The following NETO1 variants were observed in gnomAD, a reference collection of about 807,000 sequenced individuals.
NETO1 encodes the protein neuropilin and tolloid-like protein 1.
In NETO1, 26 loss-of-function variants were observed where a neutral mutation model predicts 61.3. The observed-to-expected ratio is 0.42, with a 90% CI of 0.31 to 0.59. The LOEUF is 0.59. Among genes scored for constraint, NETO1 ranks in the 20% least tolerant of loss-of-function variants. NETO1 has a pLI of 0.12. For synonymous variants in NETO1, 225 were observed against 225.8 expected, an observed-to-expected ratio of 1.00 and a Z score of 0.03; for missense variants, 531 against 662.8, an observed-to-expected ratio of 0.80 and a Z score of 2.18.
At chr18:72,827,914 T>C (rs1041039428) in intron 4 of NETO1, among the ~76,000 whole-genome samples, 3 of 152,168 alleles carry the variant, frequency 2.0e-5, no homozygotes, top group African/African-American at 7.2e-5. Context: ...ACTTGTGAGC[T>C]ATGTTGAAGT....
At chr18:72,768,663 A>T (rs7242063) in intron 7 of NETO1, among the ~76,000 whole-genome samples, 64,702 of 152,056 alleles carry the variant, frequency 0.43, 14,744 homozygotes, top group African/African-American at 0.58. Flanking sequence ...CTGAAGGCAC[A>T]GAGGTGATGT....
chr18:72,857,357 C>A (rs2074438346), intron 4 of NETO1, among the ~76,000 whole-genome samples: 1 of 152,144 alleles, frequency 6.6e-6, no homozygotes, highest in Non-Finnish European at 1.5e-5. Context: ...TTTTTTAAAA[C>A]CTAGAAGAAC....
intron 7 of NETO1, among the ~76,000 whole-genome samples, chr18:72,778,690 T>C (rs1440706899): frequency 6.6e-6 from 1 of 152,182 alleles, no homozygotes; most frequent in Non-Finnish European, 1.5e-5. Flanking sequence ...TATTTATATT[T>C]CTATAAGCAT....
chr18:72,813,557 C>A (rs1386219193), intron 4 of NETO1, among the ~76,000 whole-genome samples: 1 of 152,066 alleles, frequency 6.6e-6, no homozygotes, highest in Non-Finnish European at 1.5e-5. Flanking sequence ...ACATTACAAA[C>A]CAGACTGAAA....
chr18:72,852,447 C>T (rs1777470783), intron 4 of NETO1, among the ~76,000 whole-genome samples: 5 of 152,324 alleles, frequency 3.3e-5, no homozygotes, highest in African/African-American at 1.2e-4. Context: ...CATCTCCTGA[C>T]CTCGTGATCC....
intron 8 of NETO1, among the ~76,000 whole-genome samples, chr18:72,753,680 A>G (rs1417446573): frequency 6.6e-6 from 1 of 152,214 alleles, no homozygotes; most frequent in Non-Finnish European, 1.5e-5. Context: ...AGGACAGTAG[A>G]GTGGCATCTT....
chr18:72,790,044 T>C (rs1363667254), intron 6 of NETO1, among the ~76,000 whole-genome samples: 1 of 152,170 alleles, frequency 6.6e-6, no homozygotes, highest in African/African-American at 2.4e-5. Flanking sequence ...TATTTTTTAT[T>C]TTAATTTGAC....
intron 4 of NETO1, 124 bp downstream of exon 4, chr18:72,858,702 T>G: frequency 2.0e-6 from 2 of 987,700 alleles, no homozygotes; most frequent in Non-Finnish European, 2.9e-6. Flanking sequence ...CACTGTAGAT[T>G]TGGTTTTAAA....
chr18:72,798,619 C>T lies in NETO1; in HGVS notation c.470-4215G>A, dbSNP rs573060995. Among the ~76,000 whole-genome samples the T allele has an allele frequency of 5.3e-5, 8 of 152,224 alleles. No homozygotes were observed. The East Asian group carries it at 5.8e-4, about 11-fold the overall frequency. ...ACACACCCATTATTTTATTTACTTC[C>T]ATCAATGCGTCTTTCCCACACTGCA... On this transcript the variant is annotated intron_variant, in intron 4 of 10. Transcript: ENST00000327305.
chr18:72,848,488 T>C (rs148083776), intron 4 of NETO1, among the ~76,000 whole-genome samples: 53 of 152,140 alleles, frequency 3.5e-4, no homozygotes, highest in Non-Finnish European at 6.8e-4. Flanking sequence ...AGAAATATGT[T>C]ACCGGCTCCA....
intron 8 of NETO1, among the ~76,000 whole-genome samples, chr18:72,752,506 T>C (rs1416613253): frequency 6.6e-6 from 1 of 152,170 alleles, no homozygotes; most frequent in Non-Finnish European, 1.5e-5. Context: ...AGTCTACATT[T>C]AGAAACAAAC....
intron 4 of NETO1, among the ~76,000 whole-genome samples, chr18:72,831,908 C>CAG (rs2073593369): frequency 6.6e-6 from 1 of 152,114 alleles, no homozygotes; most frequent in African/African-American, 2.4e-5. Context: ...GGTAACTCTT[C>CAG]TAAGTGCTTC....
intron 7 of NETO1, among the ~76,000 whole-genome samples, chr18:72,758,784 C>T (rs1388512629): frequency 3.3e-5 from 5 of 151,964 alleles, no homozygotes; most frequent in Non-Finnish European, 5.9e-5. Context: ...TGCAGTGAGC[C>T]GAGATTGCGC....
chr18:72,777,556 C>T (rs562811192), intron 7 of NETO1, among the ~76,000 whole-genome samples: 1 of 149,876 alleles, frequency 6.7e-6, no homozygotes. Context: ...CTGGCTAACA[C>T]GTTGAAACCC....
At chr18:72,742,813 A>C (rs2070363543), downstream of NETO1, 1 of 152,186 alleles carries the variant, frequency 6.6e-6, no homozygotes, top group African/African-American at 2.4e-5. Flanking sequence ...TAGTCATAGA[A>C]TTGCTAAGAT....
chr18:72,804,242 T>G (rs1323826505), intron 4 of NETO1, among the ~76,000 whole-genome samples: 2 of 152,176 alleles, frequency 1.3e-5, no homozygotes, highest in Non-Finnish European at 2.9e-5. Flanking sequence ...AAAGGAGTTT[T>G]GAGACTAAAA....
chr18:72,825,789 C>A (rs903467156), intron 4 of NETO1, among the ~76,000 whole-genome samples: 2 of 152,012 alleles, frequency 1.3e-5, no homozygotes, highest in Admixed American at 6.6e-5. Flanking sequence ...GGTAACCATG[C>A]GATCTTTAAA....
chr18:72,843,822 ATTGT>A (rs1403007598), intron 4 of NETO1, among the ~76,000 whole-genome samples: 1 of 152,236 alleles, frequency 6.6e-6, no homozygotes, highest in Non-Finnish European at 1.5e-5. Context: ...ACTCGCTAAG[ATTGT>A]TTGTAAGATA....
chr18:72,784,359 AG>A (rs2071842152), intron 6 of NETO1, among the ~76,000 whole-genome samples: 2 of 66,284 alleles, frequency 3.0e-5, no homozygotes, highest in South Asian at 7.0e-4. Context: ...ACTGAAAGAC[AG>A]TCTCTCTGAT....
Sources: gnomAD v4.1 joint callset for allele counts (sites outside exome capture counted in the v4.1 genomes callset) on GRCh38, gnomAD v4.1.1 for gene constraint, MANE v1.5 for transcripts, NCBI Gene and HGNC (gene_info 2026-07-23, HGNC 2026-07-21) for gene names.